Variants in NGLY1 observed in about 807,000 individuals in gnomAD.
The protein encoded by NGLY1 is peptide-N(4)-(N-acetyl-beta-glucosaminyl)asparagine amidase.
In NGLY1, 68 loss-of-function variants were observed where a neutral mutation model predicts 84.6. The observed-to-expected ratio is 0.80, with a 90% CI of 0.66 to 0.98. The LOEUF (loss-of-function observed/expected upper bound fraction) is 0.98. Among genes scored for constraint, NGLY1 ranks in the 50% least tolerant of loss-of-function variants. The pLI is 0.00. For missense variants in NGLY1, 779 were observed against 770.2 expected, an observed-to-expected ratio of 1.01 and a Z score of -0.14; for synonymous variants, 280 against 275.2, an observed-to-expected ratio of 1.02 and a Z score of -0.17.
intron 2 of NGLY1, among the ~76,000 whole-genome samples, chr3:25,770,535 T>A (rs990669638): frequency 6.6e-6 from 1 of 152,216 alleles, no homozygotes; most frequent in Non-Finnish European, 1.5e-5. Context: ...AACATGCGTG[T>A]GCAAGTATCT....
chr3:25,745,679 C>T (rs144164027), intron 4 of NGLY1, among the ~76,000 whole-genome samples: 1 of 152,134 alleles, frequency 6.6e-6, no homozygotes, highest in African/African-American at 2.4e-5. Context: ...CCTCTGTTCA[C>T]CCTCTTATCC....
intron 3 of NGLY1, among the ~76,000 whole-genome samples, chr3:25,760,019 G>A (rs542119941): frequency 1.3e-5 from 2 of 151,604 alleles, no homozygotes; most frequent in South Asian, 4.2e-4. Context: ...TTAAAATTTA[G>A]AACCTGTTTT....
At chr3:25,770,174 G>C (rs1199965664) in intron 2 of NGLY1, among the ~76,000 whole-genome samples, 2 of 152,110 alleles carry the variant, frequency 1.3e-5, no homozygotes, top group African/African-American at 4.8e-5. Flanking sequence ...GTTTGAGACA[G>C]AGTTTTGCTC....
At position 25,729,232 on chromosome 3, in the gene NGLY1, A is replaced by G. The variant is rs1211534165; in HGVS notation, c.1512T>C (p.Tyr504=). 1.9e-6 allele frequency: 3 copies of G among 1,559,396 alleles called. No individual in the cohort carries two copies. Among genetic ancestry groups the G allele is most frequent in the African/African-American group, 2.7e-5 (2 of 73,052 alleles). ...TTTGATTGTTATTTGAAACTCGAAC[A>G]TAACGATCTTTCACAATATTGTAAC... The part of the protein sequence containing the change: ...HLCYNIVKDR[Y]VRVSNNNQTI... Residue 504 remains tyrosine (Y), a synonymous_variant, in exon 10 of 12, where the codon TAT becomes TAC. Coordinates refer to ENST00000280700, the MANE Select transcript of NGLY1 (RefSeq NM_018297.4).
Position 25,720,553 on chromosome 3 carries a change from C to T in NGLY1, c.1612-362G>A, listed in dbSNP as rs1031085229. On this transcript the variant is annotated intron_variant, in intron 10 of 11. Coordinates refer to ENST00000280700, the MANE Select transcript of NGLY1 (RefSeq NM_018297.4). ...TGAAAATGAAGAATCCTTTTAAATG[C>T]AACTACTCTTTAATTTTTATAAGTC... Among the ~76,000 whole-genome samples, 5 of 152,226 alleles carry T rather than the reference C, an allele frequency of 3.3e-5. No homozygotes were observed. In the East Asian group the frequency reaches 9.7e-4, roughly 29 times the overall value.
chr3:25,778,483 A>C (rs1708252890), intron 2 of NGLY1, 91 bp downstream of exon 2: 1 of 633,564 alleles, frequency 1.6e-6, no homozygotes, highest in Non-Finnish European at 2.6e-6. Flanking sequence ...ATAAATTAAA[A>C]AACATTATCT....
chr3:25,769,426 T>C (rs1157531082), intron 2 of NGLY1, among the ~76,000 whole-genome samples: 2 of 152,056 alleles, frequency 1.3e-5, no homozygotes, highest in East Asian at 3.9e-4. Context: ...AAGGAAGACA[T>C]ACAATTGGCT....
At chr3:25,738,201 T>C (rs1472112879) in intron 5 of NGLY1, among the ~76,000 whole-genome samples, 2 of 152,222 alleles carry the variant, frequency 1.3e-5, no homozygotes, top group African/African-American at 4.8e-5. Flanking sequence ...TAAACAACTT[T>C]AACAAATTAC....
At chr3:25,766,129 G>T (rs1170542271) in intron 2 of NGLY1, among the ~76,000 whole-genome samples, 3 of 149,570 alleles carry the variant, frequency 2.0e-5, no homozygotes, top group South Asian at 2.1e-4. Context: ...GCAGTGGTGT[G>T]ATCTCGGCTC....
chr3:25,748,476 T>A (rs567814269), intron 4 of NGLY1, among the ~76,000 whole-genome samples: 1 of 152,364 alleles, frequency 6.6e-6, no homozygotes, highest in South Asian at 2.1e-4. Context: ...TAGATTAGCA[T>A]AAAACCTTAC....
intron 3 of NGLY1, chr3:25,754,823 C>A: frequency 9.1e-6 from 4 of 439,342 alleles, no homozygotes; most frequent in East Asian, 3.9e-5. Context: ...GCAACTGGGT[C>A]AGCACTTGAA....
chr3:25,727,472 T>C (rs1705319442), intron 10 of NGLY1, among the ~76,000 whole-genome samples: 1 of 152,158 alleles, frequency 6.6e-6, no homozygotes, highest in Non-Finnish European at 1.5e-5. Flanking sequence ...CTACTCAACC[T>C]CCAGTGTCCA....
rs951951929 is a variant in NGLY1, at chr3:25,759,448, C to T, written c.492+4618G>A. 8.6e-5 allele frequency among the ~76,000 whole-genome samples: 13 copies of T among 151,988 alleles called. 1 individual carries two copies. The highest frequency in any genetic ancestry group is 5.2e-4 in the Admixed American group (8 of 15,280). ...TTTACCAAGAAGGTAAGAATTCATC[C>T]GGAGTATTTTTATTTTCAATTTAAT... On this transcript the variant is annotated intron_variant, in intron 3 of 11. Coordinates refer to ENST00000280700, the MANE Select transcript of NGLY1 (RefSeq NM_018297.4).
At chr3:25,753,009 A>G (rs1320441394) in intron 3 of NGLY1, among the ~76,000 whole-genome samples, 1 of 152,106 alleles carries the variant, frequency 6.6e-6, no homozygotes, top group African/African-American at 2.4e-5. Flanking sequence ...AAATTCCAGA[A>G]AGACAGTAAA....
At chr3:25,737,493 C>A in intron 5 of NGLY1, 38 bp from the exon 6 acceptor site, 1 of 1,497,116 alleles carries the variant, frequency 6.7e-7, no homozygotes, top group South Asian at 1.2e-5. Context: ...TTATCAAAAT[C>A]AAGATTTTTA....
chr3:25,739,885 G>T, intron 4 of NGLY1, 86 bp from the exon 5 acceptor site: 1 of 944,780 alleles, frequency 1.1e-6, no homozygotes, highest in Non-Finnish European at 1.6e-6. Context: ...ATACGAACCT[G>T]AAAAATATGA....
At position 25,728,922 on chromosome 3, in the gene NGLY1, GA is replaced by G. The variant is rs143669899; in HGVS notation, c.1611+210del. Among the ~76,000 whole-genome samples the G allele has an allele frequency of 7.4e-4, 113 of 152,102 alleles. 1 individual carries two copies. In the East Asian group the frequency reaches 0.02, roughly 27 times the overall value. ...AAGAATTAAATTCATCCTCTTTGAT[GA>G]AAACAGATACTTCCTTGATATAAAT... On this transcript the variant is annotated intron_variant, in intron 10 of 11. Transcript: ENST00000280700.
At chr3:25,741,858 G>C (rs187518543) in intron 4 of NGLY1, among the ~76,000 whole-genome samples, 4 of 152,042 alleles carry the variant, frequency 2.6e-5, no homozygotes, top group Non-Finnish European at 4.4e-5. Context: ...AAAATTAGCC[G>C]GGCGTGGTGG....
exon 1 of NGLY1, chr3:25,789,876 G>A (rs1452265410): frequency 1.9e-6 from 3 of 1,551,708 alleles, no homozygotes; most frequent in African/African-American, 2.7e-5. Context: ...CGCGTTATTG[G>A]CAGGTCCTCG....
Sources: allele counts gnomAD v4.1 joint callset (sites outside exome capture counted in the v4.1 genomes callset), GRCh38; gene constraint gnomAD v4.1.1; transcripts MANE v1.5; gene names NCBI Gene and HGNC (gene_info 2026-07-23, HGNC 2026-07-21).